The following HERC4 variants were observed in gnomAD, a reference collection of about 807,000 sequenced individuals.
HERC4 encodes the protein probable E3 ubiquitin-protein ligase HERC4.
A neutral mutation model predicts 124.3 loss-of-function variants in HERC4; 28 were observed. The ratio of observed to expected loss-of-function variants is 0.23; its 90% CI spans 0.17 to 0.31. The LOEUF (loss-of-function observed/expected upper bound fraction) is 0.31. Among genes scored for constraint, HERC4 ranks in the 10% least tolerant of loss-of-function variants. The pLI, the probability that HERC4 is intolerant of heterozygous loss-of-function variation, is 1.00. For missense variants in HERC4, 713 were observed against 1,229.3 expected, an observed-to-expected ratio of 0.58 and a Z score of 6.28; for synonymous variants, 407 against 421.5, an observed-to-expected ratio of 0.97 and a Z score of 0.42.
intron 15 of HERC4, among the ~76,000 whole-genome samples, chr10:67,978,702 T>C (rs1359400644): frequency 6.6e-6 from 1 of 152,212 alleles, no homozygotes; most frequent in Non-Finnish European, 1.5e-5. Flanking sequence ...TGATCCAGTG[T>C]AGTCCCAGTG....
chr10:68,039,961 T>A, intron 4 of HERC4: 2 of 779,730 alleles, frequency 2.6e-6, no homozygotes, highest in Non-Finnish European at 3.1e-6. Flanking sequence ...TTATCGCTAC[T>A]AACCACAGGT....
At chr10:67,938,611 TC>T (rs2132107783) in intron 21 of HERC4, among the ~76,000 whole-genome samples, 1 of 152,164 alleles carries the variant, frequency 6.6e-6, no homozygotes, top group South Asian at 2.1e-4. Flanking sequence ...TGCCATATCC[TC>T]ATCTATCAAT....
intron 22 of HERC4, among the ~76,000 whole-genome samples, chr10:67,935,667 C>T (rs2032294486): frequency 6.6e-6 from 1 of 152,186 alleles, no homozygotes; most frequent in African/African-American, 2.4e-5. Flanking sequence ...CAGAGAGGGG[C>T]AGTTGCCAGA....
At position 67,932,671 on chromosome 10, in the gene HERC4, G is replaced by A; in HGVS notation, c.2764C>T (p.Leu922=). Residue 922 remains leucine, a synonymous_variant, in exon 23 of 25, where the codon CTG becomes TTG. Transcript: ENST00000373700. ...TGTAGTTCATTAGGCTGAAAGAGCAGAAGGACTTTTCCTCCACAGACCTTA... is the reference window on the plus strand; with the variant it reads ...TGTAGTTCATTAGGCTGAAAGAGCAAAAGGACTTTTCCTCCACAGACCTTA... The part of the protein sequence containing the change: ...FHKVCGGKVL[L]LFQPNELQAM... 2 of 1,608,546 alleles carry A rather than the reference G, an allele frequency of 1.2e-6. No individual in the cohort carries two copies. Among genetic ancestry groups the A allele is most frequent in the Middle Eastern group, 1.7e-4 (1 of 6,046 alleles).
In HERC4 at chr10:67,927,430, A is replaced by ATTTATT. The variant is rs2031237950; in HGVS notation, c.2839-2244_2839-2243insAATAAA. 1.1e-4 allele frequency among the ~76,000 whole-genome samples: 4 copies of ATTTATT among 37,926 alleles called. 1 individual carries two copies. Among genetic ancestry groups the ATTTATT allele is most frequent in the African/African-American group, 2.3e-4 (4 of 17,358 alleles). 24.9% of individuals were successfully genotyped at this position (37,926 alleles called of 152,430 possible). ...TATATATATATATATATATATATAT[A>ATTTATT]TTTTTTTTTTTTTTTAGATAGAGTC... On this transcript the variant is annotated intron_variant, in intron 23 of 24. Transcript: ENST00000373700.
chr10:67,954,134 G>A (rs1229023809), intron 19 of HERC4: 1 of 152,300 alleles, frequency 6.6e-6, no homozygotes, highest in African/African-American at 2.4e-5. Context: ...AAACTCTGCC[G>A]CTGCTATTGT....
chr10:67,928,253 G>T (rs2031370959), intron 23 of HERC4, among the ~76,000 whole-genome samples: 1 of 152,056 alleles, frequency 6.6e-6, no homozygotes, highest in African/African-American at 2.4e-5. Context: ...ATGAGAAGCT[G>T]TTATATCATT....
chr10:68,024,495 A>C (rs1419578494), intron 8 of HERC4, among the ~76,000 whole-genome samples: 1 of 152,210 alleles, frequency 6.6e-6, no homozygotes, highest in Non-Finnish European at 1.5e-5. Flanking sequence ...GGCAACATGC[A>C]AATGTCCATC....
intron 23 of HERC4, among the ~76,000 whole-genome samples, chr10:67,929,224 G>T (rs1457852249): frequency 6.6e-6 from 1 of 152,000 alleles, no homozygotes; most frequent in Non-Finnish European, 1.5e-5. Context: ...AGTAAAACTG[G>T]CTATATTCTG....
At chr10:68,024,035 T>C (rs959268857) in intron 8 of HERC4, among the ~76,000 whole-genome samples, 9 of 152,102 alleles carry the variant, frequency 5.9e-5, no homozygotes, top group African/African-American at 2.2e-4. Flanking sequence ...AGGCAAAACA[T>C]GGAAAGACAT....
chr10:68,016,459 T>A (rs1232613239), intron 8 of HERC4, among the ~76,000 whole-genome samples: 1 of 152,056 alleles, frequency 6.6e-6, no homozygotes, highest in African/African-American at 2.4e-5. Context: ...TTCAAGCGAG[T>A]CTCCTGCCTC....
chr10:68,022,910 C>T (rs2133241492), intron 8 of HERC4, among the ~76,000 whole-genome samples: 1 of 151,058 alleles, frequency 6.6e-6, no homozygotes, highest in African/African-American at 2.4e-5. Context: ...AAATGGTCAA[C>T]AAGTATATAA....
chr10:67,995,424 C>A, intron 9 of HERC4: 1 of 190,816 alleles, frequency 5.2e-6, no homozygotes, highest in South Asian at 8.2e-5. Flanking sequence ...TATTTACTGT[C>A]CTCTTGCTTT....
intron 3 of HERC4, among the ~76,000 whole-genome samples, chr10:68,061,658 C>A (rs2041022443): frequency 6.7e-6 from 1 of 149,722 alleles, no homozygotes; most frequent in African/African-American, 2.5e-5. Flanking sequence ...ACGGGCAGAT[C>A]ACTTCAGGTC....
rs1250752363 is a variant in HERC4, at chr10:67,925,139, T to C, written c.2887A>G (p.Ile963Val). 2.5e-6 allele frequency: 4 copies of C among 1,606,230 alleles called. No homozygotes were observed. The highest frequency in any genetic ancestry group is 2.2e-5 in the South Asian group (2 of 90,790). ...AATTCGTGAAATACTTCCCAAAAAA[T>C]TTTTATCGTAGGATGTTCTGCCCAA... ...EYWAEHPTIK[I>V]FWEVFHELPL... The change falls in exon 24 of 25, where the codon ATT becomes GTT. Residue 963 changes from isoleucine (I) to valine (V), a missense_variant. Physicochemically the swap from Ile to Val is conservative, Grantham distance 29 (BLOSUM62 3). Coordinates refer to ENST00000373700, the MANE Select transcript of HERC4 (RefSeq NM_015601.4).
chr10:67,978,037 G>T (rs2035700830), intron 15 of HERC4, among the ~76,000 whole-genome samples: 1 of 150,692 alleles, frequency 6.6e-6, no homozygotes. Context: ...GCAAGTTTGG[G>T]AGGCCAAGGC....
intron 15 of HERC4, among the ~76,000 whole-genome samples, chr10:67,976,617 G>GCA (rs2035603961): frequency 6.6e-6 from 1 of 152,062 alleles, no homozygotes; most frequent in East Asian, 1.9e-4. Context: ...AGCACTCATA[G>GCA]CACCTGGTTT....
intron 8 of HERC4, among the ~76,000 whole-genome samples, chr10:68,019,932 T>C (rs1006191072): frequency 6.6e-6 from 1 of 152,218 alleles, no homozygotes; most frequent in Non-Finnish European, 1.5e-5. Context: ...TCCAAGGAAT[T>C]CAAAGGGCTG....
intron 24 of HERC4, 114 bp downstream of exon 24, chr10:67,924,971 A>G (rs2030720798): frequency 1.7e-6 from 1 of 581,588 alleles, no homozygotes; most frequent in African/African-American, 1.9e-5. Flanking sequence ...TGTACTGAAG[A>G]GTGCAGATAG....
Sources: allele counts gnomAD v4.1 joint callset (sites outside exome capture counted in the v4.1 genomes callset), GRCh38; gene constraint gnomAD v4.1.1; transcripts MANE v1.5; gene names NCBI Gene and HGNC (gene_info 2026-07-23, HGNC 2026-07-21).